FGF14: variants seen among roughly 807,000 people sequenced by gnomAD.
FGF14 encodes the protein fibroblast growth factor homologous factor 4.
A neutral mutation model predicts 25.5 loss-of-function variants in FGF14; 5 were observed. The observed-to-expected ratio is 0.20, with a 90% CI of 0.10 to 0.41. The LOEUF is 0.41. FGF14 is among the 10% of genes least tolerant of loss of function. FGF14 has a pLI of 1.00. For synonymous variants in FGF14, 138 were observed against 118.3 expected (o/e 1.17, Z -1.08); for missense variants, 222 against 320.1 (o/e 0.69, Z 2.34).
chr13:102,022,805 T>G (rs935792080), intron 1 of FGF14, among the ~76,000 whole-genome samples: 7 of 152,132 alleles, frequency 4.6e-5, no homozygotes, highest in Admixed American at 3.9e-4. Flanking sequence ...ATAAACATTG[T>G]ATTCCGTGTA....
chr13:101,779,905 T>C (rs1301271253), intron 3 of FGF14, among the ~76,000 whole-genome samples: 2 of 152,204 alleles, frequency 1.3e-5, no homozygotes, highest in African/African-American at 2.4e-5. Flanking sequence ...TAATTTTTTC[T>C]TGGACAAATT....
rs80321549 is a variant in FGF14, at chr13:101,831,186, G to A, written c.408+37539C>T. Among the ~76,000 whole-genome samples the A allele has an allele frequency of 3.7e-3, 569 of 152,068 alleles. 7 individuals carry two copies. Among genetic ancestry groups the A allele is most frequent in the African/African-American group, 0.013 (523 of 41,506 alleles). On this transcript the variant is annotated intron_variant, in intron 3 of 4. Transcript: ENST00000376143. ...ATTTTTTGAGAATGAAATGAAACAT[G>A]TCAGGCACTTAGAAAAGTACCAGAC...
chr13:102,295,235 A>G (rs746124026), intron 1 of FGF14, among the ~76,000 whole-genome samples: 1 of 152,146 alleles, frequency 6.6e-6, no homozygotes, highest in Non-Finnish European at 1.5e-5. Flanking sequence ...GCGCATTTTT[A>G]TCTAAGCTCG....
Position 101,720,337 on chromosome 13 carries a change from A to T in FGF14, c.*2494T>A, listed in dbSNP as rs143725599. On this transcript the variant is annotated 3_prime_UTR_variant, in exon 5 of 5. Transcript: ENST00000376143. ...CATATATTAGAAGAAAGTATTTGAC[A>T]TCCTTCATAGGGATAAATGCCCTTA... The T allele has an allele frequency of 9.3e-4, 142 of 152,290 alleles. No homozygotes were observed. The highest frequency in any genetic ancestry group is 3.1e-3 in the African/African-American group (130 of 41,588). 9.4% of individuals were successfully genotyped at this position (152,290 alleles called of 1,614,324 possible). A position where few individuals can be genotyped will look rare whatever the true frequency, so the allele number is the denominator to read the frequency against.
intron 1 of FGF14, among the ~76,000 whole-genome samples, chr13:102,232,972 G>T (rs2051149834): frequency 6.6e-6 from 1 of 152,118 alleles, no homozygotes; most frequent in Admixed American, 6.5e-5. Context: ...TTCCGGTGCT[G>T]CCTGCTCTGC....
chr13:102,356,024 A>G (rs950156600), intron 1 of FGF14, among the ~76,000 whole-genome samples: 3 of 152,208 alleles, frequency 2.0e-5, no homozygotes, highest in African/African-American at 7.2e-5. Context: ...TTTAATTGCC[A>G]TTTAGAAGTC....
chr13:102,161,633 A>AGAAGAAGAAGAAGAG, intron 1 of FGF14, among the ~76,000 whole-genome samples: 1 of 8,676 alleles, frequency 1.2e-4, no homozygotes, highest in Non-Finnish European at 1.9e-4. Flanking sequence ...AAGAAGAAGA[A>AGAAGAAGAAGAAGAG]GAAGAAGAAG....
rs1468232830 is a variant in FGF14 at position 101,943,994 on chromosome 13, G to C, written c.209-68698C>G. Reference sequence around the variant, plus strand: ...CCAGCCTGGGCAAGAGTGAAACTCCGTCTCAAAAAAAAAAAAAAAACAAAA... The same window carrying C: ...CCAGCCTGGGCAAGAGTGAAACTCCCTCTCAAAAAAAAAAAAAAAACAAAA... On this transcript the variant is annotated intron_variant, in intron 1 of 4. Transcript: ENST00000376131. 3.0e-4 allele frequency among the ~76,000 whole-genome samples: 33 copies of C among 109,836 alleles called. No homozygotes were observed. In the South Asian group the frequency reaches 3.5e-3, roughly 12 times the overall value. 72.1% of individuals were successfully genotyped at this position (109,836 alleles called of 152,430 possible). A position where few individuals can be genotyped will look rare whatever the true frequency, so the allele number is the denominator to read the frequency against.
chr13:102,288,731 C>T (rs1001043322), intron 1 of FGF14, among the ~76,000 whole-genome samples: 2 of 151,974 alleles, frequency 1.3e-5, no homozygotes, highest in African/African-American at 4.8e-5. Flanking sequence ...GTTACAGGCG[C>T]CTGCCACAAT....
chr13:101,820,755 A>AGAAAAGCTACTTTGAAAGTGCTTT (rs1555388869), intron 3 of FGF14, among the ~76,000 whole-genome samples: 24 of 150,922 alleles, frequency 1.6e-4, no homozygotes, highest in East Asian at 3.9e-4. Flanking sequence ...AGCTACAGCT[A>AGAAAAGCTACTTTGAAAGTGCTTT]CAGTACACAC....
rs919874331 is a variant in FGF14 at position 102,139,396 on chromosome 13, T to C, written c.208+262075A>G. On this transcript the variant is annotated intron_variant, in intron 1 of 4. Coordinates refer to the FGF14 transcript ENST00000376131. Reference sequence around the variant, plus strand: ...GCCTGGGTGGTAGAGTGAGACCCTATCTCAAGAAAGAAAAAAAAAATAGAG... The same window carrying C: ...GCCTGGGTGGTAGAGTGAGACCCTACCTCAAGAAAGAAAAAAAAAATAGAG... Among the ~76,000 whole-genome samples, 46 of 150,540 alleles carry C rather than the reference T, an allele frequency of 3.1e-4. 2 individuals carry two copies. Among genetic ancestry groups the C allele is most frequent in the Admixed American group, 2.8e-3 (42 of 15,054 alleles).
chr13:102,246,737 A>C (rs957468019), intron 1 of FGF14, among the ~76,000 whole-genome samples: 5 of 137,308 alleles, frequency 3.6e-5, no homozygotes, highest in Non-Finnish European at 6.2e-5. Flanking sequence ...AACTACTTTA[A>C]ATTTTATATG....
chr13:102,113,082 C>T lies in FGF14; in HGVS notation c.209-237786G>A, dbSNP rs1385328672. Among the ~76,000 whole-genome samples the T allele has an allele frequency of 2.0e-5, 3 of 152,164 alleles. No individual in the cohort carries two copies. In the East Asian group the frequency reaches 5.8e-4, roughly 29 times the overall value. On this transcript the variant is annotated intron_variant, in intron 1 of 4. Coordinates refer to the FGF14 transcript ENST00000376131. Reference sequence around the variant, plus strand: ...TTAGTTTGGTTTTTACCTGTGAATTCAATTAGCAGTATGAACAGATCTAAA... The same window carrying T: ...TTAGTTTGGTTTTTACCTGTGAATTTAATTAGCAGTATGAACAGATCTAAA...
At chr13:101,898,857 C>T (rs1022688588) in intron 1 of FGF14, among the ~76,000 whole-genome samples, 2 of 152,142 alleles carry the variant, frequency 1.3e-5, no homozygotes, top group African/African-American at 4.8e-5. Context: ...AAGGGGCCAA[C>T]ATTTTGGAAG....
At chr13:102,075,686 G>C (rs1387127587) in intron 1 of FGF14, among the ~76,000 whole-genome samples, 3 of 152,174 alleles carry the variant, frequency 2.0e-5, no homozygotes, top group African/African-American at 7.2e-5. Flanking sequence ...CTGTAAAACA[G>C]CCTCAGGGGA....
intron 1 of FGF14, among the ~76,000 whole-genome samples, chr13:102,332,002 G>C (rs1032081812): frequency 3.3e-5 from 5 of 152,124 alleles, no homozygotes; most frequent in Non-Finnish European, 7.4e-5. Flanking sequence ...TGCAAGAACT[G>C]AATTAAGGGT....
intron 1 of FGF14, among the ~76,000 whole-genome samples, chr13:102,143,195 G>C (rs999465891): frequency 6.6e-6 from 1 of 152,148 alleles, no homozygotes; most frequent in Non-Finnish European, 1.5e-5. Context: ...CTGAGCCAGA[G>C]GGTAGAGTTT....
intron 1 of FGF14, among the ~76,000 whole-genome samples, chr13:101,951,737 G>A (rs1470965915): frequency 6.6e-6 from 1 of 152,086 alleles, no homozygotes; most frequent in Non-Finnish European, 1.5e-5. Context: ...ATTCCAAATT[G>A]GAATCTAATT....
At chr13:102,270,654 T>C (rs1164399886) in intron 1 of FGF14, among the ~76,000 whole-genome samples, 3 of 152,306 alleles carry the variant, frequency 2.0e-5, no homozygotes, top group East Asian at 1.9e-4. Flanking sequence ...CATAAATATA[T>C]AGACATATAG....
Sources: gnomAD v4.1 joint callset for allele counts (sites outside exome capture counted in the v4.1 genomes callset) on GRCh38, gnomAD v4.1.1 for gene constraint, MANE v1.5 for transcripts, NCBI Gene and HGNC (gene_info 2026-07-23, HGNC 2026-07-21) for gene names.